UTRN: variants seen among roughly 807,000 people sequenced by gnomAD.
UTRN encodes the protein utrophin.
A neutral mutation model predicts 463.9 loss-of-function variants in UTRN; 283 were observed. The observed-to-expected ratio is 0.61, with a 90% CI of 0.55 to 0.67. The LOEUF is 0.67. Among genes scored for constraint, UTRN ranks in the 30% least tolerant of loss-of-function variants. UTRN has a pLI of 0.00. For synonymous variants in UTRN, 1,442 were observed against 1,431.5 expected (o/e 1.01, Z -0.17); for missense variants, 3,922 against 4,084.3 (o/e 0.96, Z 1.08).
In UTRN at chr6:144,794,004, G is replaced by A; in HGVS notation, c.9078+13G>A. On this transcript the variant is annotated intron_variant, in intron 63 of 74. Coordinates refer to ENST00000367545, the MANE Select transcript of UTRN (RefSeq NM_007124.3). ...CTGCTTCCAACAGGTAAGCATGAAG[G>A]ATCACTGGTGTGTAGGATGTGTTGG... 6.2e-7 allele frequency: 1 copy of A among 1,613,066 alleles called. No homozygotes were observed. Among genetic ancestry groups the A allele is most frequent in the East Asian group, 2.2e-5 (1 of 44,842 alleles).
At chr6:144,545,362 TA>T (rs1798309733) in intron 46 of UTRN, among the ~76,000 whole-genome samples, 1 of 152,084 alleles carries the variant, frequency 6.6e-6, no homozygotes, top group Non-Finnish European at 1.5e-5. Flanking sequence ...TCCATCCACA[TA>T]AATGAGTTCC....
intron 66 of UTRN, among the ~76,000 whole-genome samples, chr6:144,826,638 C>T (rs991989987): frequency 6.6e-6 from 1 of 152,048 alleles, no homozygotes; most frequent in Non-Finnish European, 1.5e-5. Flanking sequence ...GACACAAGCC[C>T]CTGAGTCAAG....
At chr6:144,360,320 C>T (rs1778968473) in intron 2 of UTRN, among the ~76,000 whole-genome samples, 1 of 151,696 alleles carries the variant, frequency 6.6e-6, no homozygotes, top group South Asian at 2.1e-4. Context: ...TTACAGGTGC[C>T]TGCCACCATG....
intron 51 of UTRN, among the ~76,000 whole-genome samples, chr6:144,633,322 C>A (rs1247702273): frequency 6.6e-6 from 1 of 151,732 alleles, no homozygotes; most frequent in Admixed American, 6.6e-5. Flanking sequence ...CTCCGCCTCC[C>A]GGGTTCACGC....
intron 29 of UTRN, 125 bp downstream of exon 29, chr6:144,487,822 G>A: frequency 1.2e-6 from 1 of 826,612 alleles, no homozygotes; most frequent in Non-Finnish European, 1.8e-6. Flanking sequence ...GGTAACCAAT[G>A]CTAACAGGGG....
At chr6:144,502,839 A>G (rs1419531416) in intron 34 of UTRN, among the ~76,000 whole-genome samples, 2 of 152,070 alleles carry the variant, frequency 1.3e-5, no homozygotes, top group East Asian at 3.9e-4. Context: ...CTCTTCCATA[A>G]TGGTTGAAAT....
At chr6:144,335,735 G>C (rs1426480654) in intron 2 of UTRN, among the ~76,000 whole-genome samples, 4 of 152,238 alleles carry the variant, frequency 2.6e-5, no homozygotes, top group South Asian at 4.1e-4. Flanking sequence ...AAACTCTCAA[G>C]TGATAATTGT....
In UTRN at chr6:144,482,240, T is replaced by C; in HGVS notation, c.3539T>C (p.Val1180Ala). The change falls in exon 27 of 75, where the codon GTG becomes GCG. Residue 1180 changes from valine to alanine, a missense_variant. Transcript: ENST00000367545. ...RAKEDVLQKE[V>A]RVKILKDNIK... The stretch of plus-strand genomic sequence containing the variant: ...AAAGAGGATGTGTTGCAGAAGGAGG[T>C]GAGAGTGAAGATTCTCAAGGACAAC... 1 of 1,578,562 alleles carries C rather than the reference T, an allele frequency of 6.3e-7. No individual in the cohort carries two copies. The highest frequency in any genetic ancestry group is 1.8e-5 in the Admixed American group (1 of 54,476).
chr6:144,781,711 A>G lies in UTRN; in HGVS notation c.8633-211A>G, dbSNP rs17074175. ...ATGAGATAAGATTGGGAAGCAACAG[A>G]GTTCAGATTCAAAAGTATGAAAGTG... On this transcript the variant is annotated intron_variant, in intron 60 of 74. Transcript: ENST00000367545. Among the ~76,000 whole-genome samples, 41,514 of 152,122 alleles carry G rather than the reference A, an allele frequency of 0.27. 6,776 individuals carry two copies. Among genetic ancestry groups the G allele is most frequent in the African/African-American group, 0.46 (18,908 of 41,462 alleles).
At chr6:144,659,427 G>A (rs1035823985) in intron 51 of UTRN, among the ~76,000 whole-genome samples, 38 of 152,190 alleles carry the variant, frequency 2.5e-4, no homozygotes, top group African/African-American at 8.0e-4. Flanking sequence ...CCACAAAGCC[G>A]GCAGAAGGGA....
In UTRN at chr6:144,775,266, A is replaced by G. The variant is rs150432678; in HGVS notation, c.8632+902A>G. Among the ~76,000 whole-genome samples, 882 of 152,324 alleles carry G rather than the reference A, an allele frequency of 5.8e-3. 3 individuals carry two copies. Among genetic ancestry groups the G allele is most frequent in the Admixed American group, 9.1e-3 (139 of 15,304 alleles). ...TAGCAATAAATTTTAAGCTGGCTGC[A>G]CGAAGAATTGAGGAAAGAGAGGTAT... On this transcript the variant is annotated intron_variant, in intron 60 of 74. Transcript: ENST00000367545.
At chr6:144,752,011 A>G (rs1291222609) in intron 56 of UTRN, 59 bp downstream of exon 56, 5 of 1,470,496 alleles carry the variant, frequency 3.4e-6, no homozygotes, top group South Asian at 2.9e-5. Context: ...TTTAAACCCT[A>G]CCTCACTATA....
At chr6:144,617,098 G>T (rs891332349) in intron 51 of UTRN, among the ~76,000 whole-genome samples, 2 of 152,128 alleles carry the variant, frequency 1.3e-5, no homozygotes, top group African/African-American at 4.8e-5. Flanking sequence ...CAATAGAAAT[G>T]ATTTCTTGAG....
Position 144,286,008 on chromosome 6 carries a change from C to T in UTRN, c.-93+187C>T, listed in dbSNP as rs1584123619. ...CTTTTGCGTGCCCTTTCCTCGGGGC[C>T]TCAGTTTAGCTCCCCGCGGTGCGAG... On this transcript the variant is annotated intron_variant, in intron 1 of 74. Coordinates refer to ENST00000367545, the MANE Select transcript of UTRN (RefSeq NM_007124.3). The surrounding 1 kb of genome is among the most constrained non-coding windows in gnomAD (Gnocchi z 4.4). 1.3e-5 allele frequency among the ~76,000 whole-genome samples: 2 copies of T among 152,320 alleles called. No individual in the cohort carries two copies. The highest frequency in any genetic ancestry group is 4.1e-4 in the South Asian group (2 of 4,830).
At chr6:144,501,115 A>G (rs1794134228) in intron 34 of UTRN, among the ~76,000 whole-genome samples, 1 of 152,186 alleles carries the variant, frequency 6.6e-6, no homozygotes, top group Non-Finnish European at 1.5e-5. Flanking sequence ...CACTGGAAAG[A>G]CTATTCTCAG....
chr6:144,340,160 G>C (rs1376972810), intron 2 of UTRN, among the ~76,000 whole-genome samples: 1 of 152,078 alleles, frequency 6.6e-6, no homozygotes, highest in African/African-American at 2.4e-5. Flanking sequence ...TAACAAGACT[G>C]CGACTGCGTC....
chr6:144,484,574 C>T (rs897820683), intron 27 of UTRN, among the ~76,000 whole-genome samples: 4 of 150,530 alleles, frequency 2.7e-5, no homozygotes, highest in African/African-American at 9.8e-5. Context: ...TCCCGAGTAG[C>T]TGGGATTACA....
At chr6:144,292,587 C>A (rs1804341714) in intron 2 of UTRN, among the ~76,000 whole-genome samples, 1 of 152,136 alleles carries the variant, frequency 6.6e-6, no homozygotes, top group African/African-American at 2.4e-5. Context: ...ATTCCAGACC[C>A]ATTGAATAAA....
intron 2 of UTRN, chr6:144,344,391 T>G: frequency 3.1e-6 from 4 of 1,288,100 alleles, no homozygotes; most frequent in Non-Finnish European, 4.1e-6. Context: ...TTCAGTTTTG[T>G]TAAGTAACAA....
Sources: allele counts gnomAD v4.1 joint callset (sites outside exome capture counted in the v4.1 genomes callset), GRCh38; gene constraint gnomAD v4.1.1; non-coding constraint Gnocchi (gnomAD v3.1); transcripts MANE v1.5; gene names NCBI Gene and HGNC (gene_info 2026-07-23, HGNC 2026-07-21).